The following TACC2 variants were observed in gnomAD, a reference collection of about 807,000 sequenced individuals.
TACC2 encodes transforming acidic coiled-coil-containing protein 2.
Under a neutral mutation model 227.3 loss-of-function variants are expected in TACC2, and 137 were observed. The observed-to-expected ratio is 0.60, with a 90% CI of 0.52 to 0.69. TACC2 has a LOEUF of 0.69. TACC2 is among the 30% of genes least tolerant of loss of function. The pLI is 0.00. For missense variants in TACC2, 3,470 were observed against 3,694.4 expected (o/e 0.94, Z 1.57); for synonymous variants, 1,523 against 1,487.5 (o/e 1.02, Z -0.55).
intron 3 of TACC2, among the ~76,000 whole-genome samples, chr10:122,065,780 A>G (rs1469016925): frequency 6.6e-6 from 1 of 152,116 alleles, no homozygotes; most frequent in Non-Finnish European, 1.5e-5. Context: ...TTGTGTTTTG[A>G]AGCTCTGTTA....
chr10:122,083,242 G>C lies in TACC2; in HGVS notation c.742G>C (p.Val248Leu), dbSNP rs201513169. The C allele has an allele frequency of 1.2e-6, 2 of 1,613,538 alleles. No homozygotes were observed. Among genetic ancestry groups the C allele is most frequent in the East Asian group, 2.2e-5 (1 of 44,854 alleles). ...ESRQGVASVQ[V>L]TPEAPAAAQQ... ...CAGGCAGGGGGTGGCTTCTGTGCAA[G>C]TGACCCCTGAGGCCCCTGCTGCAGC... Residue 248 changes from valine to leucine, a missense_variant, in exon 4 of 23, where the codon GTG becomes CTG. By Grantham distance (32) the Val-to-Leu change is conservative (BLOSUM62 1). This residue lies in a region of TACC2 where 405 missense variants were observed against 389.6 expected (regional missense o/e 1.04). Coordinates refer to ENST00000369005, the MANE Select transcript of TACC2 (RefSeq NM_206862.4).
At chr10:122,007,179 T>A (rs1199427495) in intron 1 of TACC2, among the ~76,000 whole-genome samples, 2 of 152,150 alleles carry the variant, frequency 1.3e-5, no homozygotes, top group Non-Finnish European at 2.9e-5. Context: ...TGATTTTTTT[T>A]AATGTCGTTT....
At chr10:122,214,407 C>T (rs2095359173) in intron 9 of TACC2, among the ~76,000 whole-genome samples, 1 of 152,020 alleles carries the variant, frequency 6.6e-6, no homozygotes, top group African/African-American at 2.4e-5. Flanking sequence ...AAGGAAGGAA[C>T]TTGAATGCCA....
intron 3 of TACC2, among the ~76,000 whole-genome samples, chr10:122,066,259 C>T (rs2077372868): frequency 6.6e-6 from 1 of 150,826 alleles, no homozygotes; most frequent in African/African-American, 2.4e-5. Flanking sequence ...AGGGGCCTGC[C>T]ACCATGCCCA....
chr10:122,213,578 C>T (rs1008028251), intron 9 of TACC2, among the ~76,000 whole-genome samples: 1 of 152,182 alleles, frequency 6.6e-6, no homozygotes, highest in Non-Finnish European at 1.5e-5. Context: ...TAAGAGACTG[C>T]TTGGCTGTGA....
intron 1 of TACC2, among the ~76,000 whole-genome samples, chr10:122,003,200 G>A (rs895443693): frequency 6.6e-6 from 1 of 151,708 alleles, no homozygotes; most frequent in Non-Finnish European, 1.5e-5. Context: ...GCAAGACTCT[G>A]TCTCAAACAA....
At chr10:121,990,785 GTTGT>G (rs945648674) in intron 1 of TACC2, among the ~76,000 whole-genome samples, 16 of 151,850 alleles carry the variant, frequency 1.1e-4, no homozygotes, top group African/African-American at 3.1e-4. Context: ...TTTTGTTGTT[GTTGT>G]TTGTTTGTTT....
At chr10:122,162,934 A>G (rs957063759) in intron 7 of TACC2, among the ~76,000 whole-genome samples, 17 of 152,198 alleles carry the variant, frequency 1.1e-4, no homozygotes, top group Middle Eastern at 3.4e-3. Flanking sequence ...GCCTTTGCAC[A>G]GGGCTTGGCT....
At chr10:122,101,358 A>T (rs910027543) in intron 5 of TACC2, among the ~76,000 whole-genome samples, 6 of 152,132 alleles carry the variant, frequency 3.9e-5, no homozygotes, top group African/African-American at 1.4e-4. Context: ...AATGGCAGGG[A>T]CTGTGCCTGG....
chr10:122,114,306 A>G (rs551573162), intron 5 of TACC2, among the ~76,000 whole-genome samples: 1 of 152,328 alleles, frequency 6.6e-6, no homozygotes, highest in South Asian at 2.1e-4. Context: ...TTTCCATGAT[A>G]TCTGGAAATG....
chr10:122,085,082 G>C lies in TACC2; in HGVS notation c.2582G>C (p.Ser861Thr). The C allele has an allele frequency of 6.2e-7, 1 of 1,614,178 alleles. No homozygotes were observed. Among genetic ancestry groups the C allele is most frequent in the Non-Finnish European group, 8.5e-7 (1 of 1,180,050 alleles). The change falls in exon 4 of 23, where the codon AGC (serine) becomes ACC (threonine). Residue 861 changes from serine to threonine, a missense_variant. Ser to Thr is a moderately conservative substitution (Grantham distance 58). Transcript: ENST00000369005. ...GAAAATGGGAAAGAGACTTCTCCAA[G>C]CCATCCAGGTTTTAAGGACCAGGGA... Reference protein sequence around the residue: ...PPENGKETSPSHPGFKDQGAD... With the variant: ...PPENGKETSPTHPGFKDQGAD...
At chr10:122,184,777 ATAT>A (rs2094119010) in intron 7 of TACC2, among the ~76,000 whole-genome samples, 1 of 152,168 alleles carries the variant, frequency 6.6e-6, no homozygotes, top group Non-Finnish European at 1.5e-5. Context: ...AGCTCATATT[ATAT>A]ACACATTTCT....
At chr10:122,179,278 T>C (rs2093873452) in intron 7 of TACC2, among the ~76,000 whole-genome samples, 2 of 152,238 alleles carry the variant, frequency 1.3e-5, no homozygotes, top group Admixed American at 6.5e-5. Context: ...AGCTCTGATA[T>C]GTAATTGAAA....
intron 3 of TACC2, among the ~76,000 whole-genome samples, chr10:122,055,608 T>C (rs993761049): frequency 2.0e-5 from 3 of 152,114 alleles, no homozygotes; most frequent in African/African-American, 7.2e-5. Flanking sequence ...AACTAATGGG[T>C]ACTAGGCTTA....
chr10:122,195,859 TG>T (rs772928101), intron 8 of TACC2, among the ~76,000 whole-genome samples: 104 of 152,288 alleles, frequency 6.8e-4, no homozygotes, highest in East Asian at 1.9e-4. Context: ...CTGCCAGAAA[TG>T]GTCCCACAGG....
chr10:122,041,582 G>A (rs1171008521), intron 2 of TACC2, among the ~76,000 whole-genome samples: 1 of 152,072 alleles, frequency 6.6e-6, no homozygotes, highest in Non-Finnish European at 1.5e-5. Flanking sequence ...GAGTAGCTGG[G>A]ATTACAGGTG....
In TACC2 at chr10:122,210,298, G is replaced by A. The variant is rs780311809; in HGVS notation, c.5972-99G>A. ...GCGGGGTGGCCTGGGGCCGTGGTTT[G>A]TCAACCCCTACGCTGGAGGGTGATG... On this transcript the variant is annotated intron_variant, in intron 8 of 22. Transcript: ENST00000369005. This position sits in a 1 kb window ranked among gnomAD's most constrained non-coding sequence, Gnocchi z 4.6. 5.0e-6 allele frequency: 5 copies of A among 994,338 alleles called. No homozygotes were observed. The African/African-American group carries it at 6.4e-5, about 13-fold the overall frequency. The allele number at this position is 994,338 out of a possible 1,614,324, so 61.6% of individuals were successfully genotyped here.
rs79773106 is a variant in TACC2, at chr10:122,210,275, G to A, written c.5972-122G>A. 3.1e-3 allele frequency: 2,304 copies of A among 749,508 alleles called. 52 individuals carry two copies. The African/African-American group carries it at 0.035, about 11-fold the overall frequency. The allele number at this position is 749,508 out of a possible 1,614,324, so 46.4% of individuals were successfully genotyped here. On this transcript the variant is annotated intron_variant, in intron 8 of 22. Coordinates refer to ENST00000369005, the MANE Select transcript of TACC2 (RefSeq NM_206862.4). This position sits in a 1 kb window ranked among gnomAD's most constrained non-coding sequence, Gnocchi z 4.6. ...CCAAGTAGTACACACAGTGATGGGC[G>A]GGGTGGCCTGGGGCCGTGGTTTGTC...
At chr10:122,156,583 G>A (rs983972239) in intron 7 of TACC2, among the ~76,000 whole-genome samples, 3 of 152,102 alleles carry the variant, frequency 2.0e-5, no homozygotes, top group African/African-American at 7.2e-5. Flanking sequence ...TCATCTTCAC[G>A]TTCTCTCTTT....
Sources: gnomAD v4.1 joint callset for allele counts (sites outside exome capture counted in the v4.1 genomes callset) on GRCh38, gnomAD v4.1.1 for gene constraint, gnomAD v4.1.1 regional missense constraint, Gnocchi (gnomAD v3.1) non-coding constraint, MANE v1.5 for transcripts, NCBI Gene and HGNC (gene_info 2026-07-23, HGNC 2026-07-21) for gene names.